GPT: variants seen among roughly 807,000 people sequenced by gnomAD.
The protein encoded by GPT is glutamic--pyruvic transaminase, also known as alanine aminotransferase 1.
Under a neutral mutation model 51.4 loss-of-function variants are expected in GPT, and 60 were observed. That is an observed-to-expected ratio of 1.17 (90% CI 0.95 to 1.45). The LOEUF (loss-of-function observed/expected upper bound fraction) is 1.45. Among genes scored for constraint, GPT ranks in the 40% most tolerant of loss-of-function variants. GPT has a pLI of 0.00. For synonymous variants in GPT, 397 were observed against 303.1 expected, an observed-to-expected ratio of 1.31 and a Z score of -3.22; for missense variants, 853 against 704.0, an observed-to-expected ratio of 1.21 and a Z score of -2.40.
chr8:144,504,421 C>T lies in GPT; in HGVS notation c.117C>T (p.Gly39=). ...GGAGAGTGGAGTACGCAGTGCGTGG[C>T]CCCATAGTGCAGCGAGCCTTGGAGC... The part of the protein sequence containing the change: ...RVRRVEYAVR[G]PIVQRALELE... The change falls in exon 1 of 11, where the codon GGC becomes GGT. Residue 39 remains glycine (G), a synonymous_variant. Transcript: ENST00000394955. 3 of 1,611,258 alleles carry T rather than the reference C, an allele frequency of 1.9e-6. No homozygotes were observed. The highest frequency in any genetic ancestry group is 2.5e-6 in the Non-Finnish European group (3 of 1,179,910).
Position 144,504,196 on chromosome 8 carries a change from G to C in GPT, c.-109G>C. On this transcript the variant is annotated 5_prime_UTR_variant, in exon 1 of 11. Coordinates refer to ENST00000394955, the MANE Select transcript of GPT (RefSeq NM_005309.3). ...TCTTGCCTGGAGTTCCCTCTGCTAC[G>C]GCTGCCCCCTCCCAGCCCTGGCCCA... The C allele has an allele frequency of 2.5e-6, 3 of 1,203,982 alleles. No individual in the cohort carries two copies. Among genetic ancestry groups the C allele is most frequent in the Non-Finnish European group, 3.6e-6 (3 of 844,346 alleles). 74.6% of individuals were successfully genotyped at this position (1,203,982 alleles called of 1,614,324 possible).
At position 144,504,614 on chromosome 8, in the gene GPT, A is replaced by G; in HGVS notation, c.173A>G (p.Lys58Arg). ...CCCCTCCCCTCCCAGGGTGTGAAGA[A>G]GCCTTTCACCGAGGTCATCCGTGCC... ...LEQELRQGVK[K>R]PFTEVIRANI... The change falls in exon 2 of 11, where the codon AAG becomes AGG. Residue 58 changes from lysine (K) to arginine (R), a missense_variant. Transcript: ENST00000394955. The G allele has an allele frequency of 3.1e-6, 5 of 1,613,110 alleles. No homozygotes were observed. The highest frequency in any genetic ancestry group is 4.2e-6 in the Non-Finnish European group (5 of 1,179,974).
chr8:144,504,597 C>G lies in GPT; in HGVS notation c.163-7C>G, dbSNP rs758745322. ...CAGTCTCCCTGCCTGCTCCCCTCCC[C>G]TCCCAGGGTGTGAAGAAGCCTTTCA... On this transcript the variant is annotated splice_polypyrimidine_tract_variant and splice_region_variant and intron_variant, in intron 1 of 10. Transcript: ENST00000394955. 1.2e-6 allele frequency: 2 copies of G among 1,612,830 alleles called. No homozygotes were observed. The highest frequency in any genetic ancestry group is 2.2e-5 in the South Asian group (2 of 91,086).
rs756660977 is a variant in GPT at position 144,504,669 on chromosome 8, G to A, written c.228G>A (p.Gln76=). ...ANIGDAQAMG[Q]RPITFLRQVL... ...TCGGGGACGCACAGGCTATGGGGCA[G>A]AGGCCCATCACCTTCCTGCGCCAGG... Residue 76 remains glutamine, a synonymous_variant, in exon 2 of 11, where the codon CAG becomes CAA. Transcript: ENST00000394955. The A allele has an allele frequency of 1.9e-6, 3 of 1,613,340 alleles. No individual in the cohort carries two copies. Among genetic ancestry groups the A allele is most frequent in the Admixed American group, 3.3e-5 (2 of 60,020 alleles).
Position 144,504,795 on chromosome 8 carries a change from G to C in GPT, c.277G>C (p.Asp93His), listed in dbSNP as rs780046164. 13 of 1,613,670 alleles carry C rather than the reference G, an allele frequency of 8.1e-6. No individual in the cohort carries two copies. In the Admixed American group the frequency reaches 2.2e-4, roughly 27 times the overall value. Residue 93 changes from aspartate to histidine, a missense_variant, in exon 3 of 11, where the codon GAT becomes CAT. Physicochemically the swap from Asp to His is moderately conservative, Grantham distance 81. Coordinates refer to ENST00000394955, the MANE Select transcript of GPT (RefSeq NM_005309.3). ...RQVLALCVNPDLLSSPNFPDD... is the reference protein window; with the variant it reads ...RQVLALCVNPHLLSSPNFPDD... ...GGTCTTGGCCCTCTGTGTTAACCCT[G>C]ATCTTCTGAGCAGCCCCAACTTCCC...
At chr8:144,504,906 G>A (rs1196343166) in intron 3 of GPT, 27 bp downstream of exon 3, 1 of 1,612,840 alleles carries the variant, frequency 6.2e-7, no homozygotes, top group Non-Finnish European at 8.5e-7. Context: ...GGAGGAAGCA[G>A]AGGGCCGCCC....
chr8:144,506,344 C>T lies in GPT; in HGVS notation c.1069C>T (p.Leu357=), dbSNP rs768891704. The part of the protein sequence containing the change: ...RLCPPVPGQA[L]LDLVVSPPAP... The stretch of plus-strand genomic sequence containing the variant: ...GTGCCCGCCGGTGCCAGGACAGGCC[C>T]TGCTGGACCTGGTGGTCAGCCCGCC... Residue 357 remains leucine (L), a synonymous_variant, in exon 8 of 11, where the codon CTG becomes TTG. Transcript: ENST00000394955. This position sits in a 1 kb window ranked among gnomAD's most constrained non-coding sequence, Gnocchi z 7.0. 22 of 1,577,618 alleles carry T rather than the reference C, an allele frequency of 1.4e-5. No individual in the cohort carries two copies. Among genetic ancestry groups the T allele is most frequent in the Non-Finnish European group, 1.9e-5 (22 of 1,165,696 alleles).
chr8:144,505,392 G>A lies in GPT; in HGVS notation c.642G>A (p.Trp214Ter), dbSNP rs140704858. ...VDYYLDEERA[W>*]ALDVAELHRA... ...ACTACCTGGACGAGGAGCGTGCCTGGGCGCTGGACGTGGCCGAGCTTCACC... is the reference window on the plus strand; with the variant it reads ...ACTACCTGGACGAGGAGCGTGCCTGAGCGCTGGACGTGGCCGAGCTTCACC... The change falls in exon 5 of 11, where the codon TGG (tryptophan) becomes TGA (stop). Residue 214 changes from tryptophan to a stop codon, truncating the protein, a stop_gained. Coordinates refer to ENST00000394955, the MANE Select transcript of GPT (RefSeq NM_005309.3). LOFTEE classifies it high-confidence loss of function. 7.2e-5 allele frequency: 115 copies of A among 1,594,794 alleles called. No homozygotes were observed. Among genetic ancestry groups the A allele is most frequent in the Non-Finnish European group, 8.8e-5 (103 of 1,172,234 alleles).
chr8:144,505,025 A>C lies in GPT; in HGVS notation c.389A>C (p.Gln130Pro). 6.2e-7 allele frequency: 1 copy of C among 1,613,160 alleles called. No homozygotes were observed. Among genetic ancestry groups the C allele is most frequent in the Non-Finnish European group, 8.5e-7 (1 of 1,179,994 alleles). ...GCCTACAGCGTCAGCTCCGGCATCC[A>C]GCTGATCCGGGAGGACGTGGCGCGG... is the stretch of plus-strand genomic sequence containing the variant. Reference protein sequence around the residue: ...LGAYSVSSGIQLIREDVARYI... With the variant: ...LGAYSVSSGIPLIREDVARYI... Residue 130 changes from glutamine (Q) to proline (P), a missense_variant, in exon 4 of 11, where the codon CAG (glutamine) becomes CCG (proline). Physicochemically the swap from Gln to Pro is moderately conservative, Grantham distance 76 (BLOSUM62 -1). Transcript: ENST00000394955.
intron 6 of GPT, 28 bp downstream of exon 6, chr8:144,505,955 G>A (rs760512990): frequency 2.5e-6 from 4 of 1,611,964 alleles, no homozygotes; most frequent in East Asian, 4.5e-5. Context: ...GCGGGAAGCC[G>A]GGCAACAGTC....
chr8:144,505,778 C>A (rs1395473335), intron 5 of GPT, 70 bp from the exon 6 acceptor site: 21 of 1,473,918 alleles, frequency 1.4e-5, no homozygotes, highest in Non-Finnish European at 1.7e-5. Flanking sequence ...TCCGCTGGAC[C>A]CCGGCTGCCC....
upstream of GPT, chr8:144,504,096 G>C: frequency 1.6e-6 from 1 of 623,974 alleles, no homozygotes; most frequent in Non-Finnish European, 2.9e-6. Context: ...GGGTGGGGCG[G>C]GGCCCAACTG....
chr8:144,505,291 G>A lies in GPT; in HGVS notation c.541G>A (p.Gly181Ser). The A allele has an allele frequency of 6.3e-7, 1 of 1,578,644 alleles. No individual in the cohort carries two copies. The highest frequency in any genetic ancestry group is 8.6e-7 in the Non-Finnish European group (1 of 1,162,748). Reference protein sequence around the residue: ...LVAGEGHTRTGVLIPIPQYPL... With the variant: ...LVAGEGHTRTSVLIPIPQYPL... ...GGCCGGCGAGGGCCACACACGCACG[G>A]GTGTGCTCATCCCCATCCCCCAGTA... The change falls in exon 5 of 11, where the codon GGT (glycine) becomes AGT (serine). Residue 181 changes from glycine (G) to serine (S), a missense_variant. Coordinates refer to ENST00000394955, the MANE Select transcript of GPT (RefSeq NM_005309.3).
chr8:144,505,817 A>G (rs368002605), intron 5 of GPT, 31 bp from the exon 6 acceptor site: 83 of 1,536,372 alleles, frequency 5.4e-5, no homozygotes, highest in Non-Finnish European at 7.1e-5. Context: ...CCCTTGGCTC[A>G]CCCAGCACTG....
chr8:144,505,017 CG>C lies in GPT; in HGVS notation c.383del (p.Gly128AlafsTer4), dbSNP rs755336318. ...GTCCAGGGGCCTACAGCGTCAGCTC[CG>C]GCATCCAGCTGATCCGGGAGGACGT... is the stretch of plus-strand genomic sequence containing the variant. ...HSLGAYSVSS[G>X]IQLIREDVAR... is the part of the protein sequence containing the mutation. On this transcript the variant is annotated frameshift_variant, in exon 4 of 11. Coordinates refer to ENST00000394955, the MANE Select transcript of GPT (RefSeq NM_005309.3). LOFTEE classifies it high-confidence loss of function. The C allele has an allele frequency of 5.0e-6, 8 of 1,613,092 alleles. No homozygotes were observed. In the South Asian group the frequency reaches 8.8e-5, roughly 18 times the overall value.
upstream of GPT, chr8:144,504,036 G>A: frequency 1.8e-6 from 1 of 547,822 alleles, no homozygotes; most frequent in Non-Finnish European, 3.3e-6. Context: ...AGCCCCGCCT[G>A]CCACCTCACC....
At position 144,505,833 on chromosome 8, in the gene GPT, TC is replaced by T; in HGVS notation, c.740-11del. The T allele has an allele frequency of 6.5e-7, 1 of 1,542,064 alleles. No individual in the cohort carries two copies. The highest frequency in any genetic ancestry group is 8.7e-7 in the Non-Finnish European group (1 of 1,145,638). On this transcript the variant is annotated splice_polypyrimidine_tract_variant and intron_variant, in intron 5 of 10. Coordinates refer to ENST00000394955, the MANE Select transcript of GPT (RefSeq NM_005309.3). Reference sequence around the variant, plus strand: ...CCTTGGCTCACCCAGCACTGCTGCCTCCCCGGCACCCCAGGGCAGGTGCAGA... The same window carrying T: ...CCTTGGCTCACCCAGCACTGCTGCCTCCCGGCACCCCAGGGCAGGTGCAGA...
Position 144,506,411 on chromosome 8 carries a change from G to A in GPT, c.1131+5G>A. ...TCCTTTGCGCAGTTCCAGGCTGTGAGTTGGGGGCAGGAGGGGGTCCAGGTG... is the reference window on the plus strand; with the variant it reads ...TCCTTTGCGCAGTTCCAGGCTGTGAATTGGGGGCAGGAGGGGGTCCAGGTG... On this transcript the variant is annotated splice_donor_5th_base_variant and intron_variant, in intron 8 of 10. Transcript: ENST00000394955. This position sits in a 1 kb window ranked among gnomAD's most constrained non-coding sequence, Gnocchi z 7.0. The A allele has an allele frequency of 6.4e-7, 1 of 1,559,736 alleles. No individual in the cohort carries two copies. The highest frequency in any genetic ancestry group is 1.2e-5 in the South Asian group (1 of 85,400).
Position 144,505,347 on chromosome 8 carries a change from G to A in GPT, c.597G>A (p.Leu199=), listed in dbSNP as rs761121667. Residue 199 remains leucine, a synonymous_variant, in exon 5 of 11, where the codon CTG becomes CTA. Transcript: ENST00000394955. ...TCTACTCGGCCACGCTGGCAGAGCT[G>A]GGCGCAGTGCAGGTGGATTACTACC... ...YPLYSATLAE[L]GAVQVDYYLD... is the part of the protein sequence containing the mutation. 6.3e-7 allele frequency: 1 copy of A among 1,575,322 alleles called. No individual in the cohort carries two copies. Among genetic ancestry groups the A allele is most frequent in the Non-Finnish European group, 8.6e-7 (1 of 1,161,022 alleles).
Sources: gnomAD v4.1 joint callset for allele counts on GRCh38, gnomAD v4.1.1 for gene constraint, Gnocchi (gnomAD v3.1) non-coding constraint, MANE v1.5 for transcripts, NCBI Gene and HGNC (gene_info 2026-07-23, HGNC 2026-07-21) for gene names.